The following LRRC7 variants were observed in gnomAD, a reference collection of about 807,000 sequenced individuals.
LRRC7 encodes leucine rich repeat containing 7.
In LRRC7, 23 loss-of-function variants were observed where a neutral mutation model predicts 175.7. The observed-to-expected ratio is 0.13, with a 90% CI of 0.09 to 0.19. The LOEUF is 0.19. LRRC7 is among the 10% of genes least tolerant of loss of function. The pLI is 1.00. For missense variants in LRRC7, 1,354 were observed against 1,904.7 expected, an observed-to-expected ratio of 0.71 and a Z score of 5.38; for synonymous variants, 685 against 680.9, an observed-to-expected ratio of 1.01 and a Z score of -0.09.
chr1:69,855,327 C>A (rs1163635403), intron 7 of LRRC7, among the ~76,000 whole-genome samples: 1 of 152,148 alleles, frequency 6.6e-6, no homozygotes, highest in Non-Finnish European at 1.5e-5. Context: ...TATGTTGTGT[C>A]TTTGTTCTCA....
chr1:70,019,865 A>T (rs1657300914), intron 15 of LRRC7, among the ~76,000 whole-genome samples: 1 of 152,026 alleles, frequency 6.6e-6, no homozygotes, highest in South Asian at 2.1e-4. Flanking sequence ...ATGCAGCTTT[A>T]CTTATATTTT....
intron 8 of LRRC7, among the ~76,000 whole-genome samples, chr1:69,932,432 G>A (rs923665877): frequency 6.6e-6 from 1 of 152,134 alleles, no homozygotes; most frequent in Admixed American, 6.6e-5. Context: ...GGGCTTGTGT[G>A]AGAATTAAAT....
At chr1:69,971,486 G>A (rs1652232268) in intron 8 of LRRC7, among the ~76,000 whole-genome samples, 1 of 152,114 alleles carries the variant, frequency 6.6e-6, no homozygotes, top group Admixed American at 6.5e-5. Context: ...CAGCGACCAA[G>A]CGGAGAATCA....
chr1:69,647,024 AT>A (rs912673031), intron 1 of LRRC7, among the ~76,000 whole-genome samples: 47 of 152,252 alleles, frequency 3.1e-4, no homozygotes, highest in African/African-American at 1.1e-3. Context: ...AGAAAAAAAA[AT>A]GTCATAGTAG....
chr1:69,646,008 C>T (rs930182719), intron 1 of LRRC7, among the ~76,000 whole-genome samples: 4 of 151,992 alleles, frequency 2.6e-5, no homozygotes, highest in African/African-American at 9.7e-5. Flanking sequence ...TTATAGATGA[C>T]TTATCACTGA....
Position 69,980,435 on chromosome 1 carries a change from A to G in LRRC7, c.768A>G (p.Ala256=). 1.2e-6 allele frequency: 2 copies of G among 1,611,520 alleles called. No homozygotes were observed. The highest frequency in any genetic ancestry group is 1.7e-6 in the Non-Finnish European group (2 of 1,178,386). ...NLRELWMDNN[A]LQVLPGSIGK... is the part of the protein sequence containing the mutation. ...GGGAGTTATGGATGGATAATAATGCATTACAAGTGTTACCTGGGGTATGTA... is the reference window on the plus strand; with the variant it reads ...GGGAGTTATGGATGGATAATAATGCGTTACAAGTGTTACCTGGGGTATGTA... The change falls in exon 9 of 27, where the codon GCA becomes GCG. Residue 256 remains alanine (A), a synonymous_variant. Coordinates refer to ENST00000651989, the MANE Select transcript of LRRC7 (RefSeq NM_001370785.2).
chr1:69,638,073 T>C (rs1448498181), intron 1 of LRRC7, among the ~76,000 whole-genome samples: 3 of 151,870 alleles, frequency 2.0e-5, no homozygotes, highest in Admixed American at 1.3e-4. Context: ...GTTTACAGAA[T>C]TATCTTTCAG....
chr1:69,986,933 A>G (rs1414504506), intron 10 of LRRC7, among the ~76,000 whole-genome samples: 1 of 152,192 alleles, frequency 6.6e-6, no homozygotes, highest in Non-Finnish European at 1.5e-5. Flanking sequence ...AAAAGCACTC[A>G]TACATTTTTG....
intron 4 of LRRC7, among the ~76,000 whole-genome samples, chr1:69,808,465 C>T (rs900767218): frequency 2.0e-4 from 30 of 151,990 alleles, no homozygotes; most frequent in African/African-American, 5.8e-4. Flanking sequence ...ATACATTCTT[C>T]TCAGCACCAC....
chr1:70,072,475 T>C (rs534707002), intron 23 of LRRC7, among the ~76,000 whole-genome samples: 11 of 152,348 alleles, frequency 7.2e-5, no homozygotes, highest in Non-Finnish European at 1.6e-4. Context: ...TTGTCATTTA[T>C]GTTTGTTTAA....
At chr1:69,598,191 A>G (rs939038859) in intron 1 of LRRC7, among the ~76,000 whole-genome samples, 5 of 152,152 alleles carry the variant, frequency 3.3e-5, no homozygotes, top group Non-Finnish European at 5.9e-5. Flanking sequence ...CTCTGCTGCT[A>G]TAGGGTCAGG....
rs1386934796 is a variant in LRRC7 at position 69,781,782 on chromosome 1, AAAGAAAGGAAGGAAGGAAGGAAGG to A, written c.304-10257_304-10234del. Among the ~76,000 whole-genome samples, 10 of 55,424 alleles carry A rather than the reference AAAGAAAGGAAGGAAGGAAGGAAGG, an allele frequency of 1.8e-4. 1 individual carries two copies. The highest frequency in any genetic ancestry group is 6.3e-4 in the South Asian group (1 of 1,594). 36.4% of individuals were successfully genotyped at this position (55,424 alleles called of 152,430 possible). ...GAGAGAGAGAAAGAAAGAAAGAAAG[AAAGAAAGGAAGGAAGGAAGGAAGG>A]AAGGAAGGAAGGAAGGAAGGAAGGA... is the stretch of plus-strand genomic sequence containing the variant. On this transcript the variant is annotated intron_variant, in intron 3 of 26. Coordinates refer to ENST00000651989, the MANE Select transcript of LRRC7 (RefSeq NM_001370785.2).
intron 8 of LRRC7, among the ~76,000 whole-genome samples, chr1:69,967,990 G>A (rs1255492281): frequency 3.3e-5 from 5 of 152,114 alleles, no homozygotes; most frequent in Non-Finnish European, 7.4e-5. Context: ...CAGAAGGTTA[G>A]TTATTAAGCT....
chr1:69,690,284 C>G (rs1290473590), intron 2 of LRRC7, among the ~76,000 whole-genome samples: 1 of 152,136 alleles, frequency 6.6e-6, no homozygotes, highest in Non-Finnish European at 1.5e-5. Flanking sequence ...ATGCAAATGT[C>G]TCTGAGGAGT....
intron 2 of LRRC7, among the ~76,000 whole-genome samples, chr1:69,736,027 G>T (rs189485583): frequency 1.3e-5 from 2 of 152,140 alleles, no homozygotes; most frequent in African/African-American, 4.8e-5. Context: ...CAAAATTGTG[G>T]TGCTGAGAAA....
chr1:69,758,527 A>T (rs774533165), intron 2 of LRRC7, among the ~76,000 whole-genome samples: 41 of 151,974 alleles, frequency 2.7e-4, no homozygotes, highest in Non-Finnish European at 5.6e-4. Flanking sequence ...ACTTATGTTC[A>T]TGGGGCACAT....
intron 1 of LRRC7, among the ~76,000 whole-genome samples, chr1:69,651,721 C>T (rs1024268): frequency 0.37 from 55,890 of 151,972 alleles, 10,839 homozygotes; most frequent in East Asian, 0.48. Flanking sequence ...CCTGCATCAG[C>T]CCATTCCCAA....
chr1:70,126,310 T>G lies in LRRC7; in HGVS notation c.*4423T>G, dbSNP rs1394477568. On this transcript the variant is annotated 3_prime_UTR_variant, in exon 27 of 27. Coordinates refer to ENST00000651989, the MANE Select transcript of LRRC7 (RefSeq NM_001370785.2). ...CTGGGTCAATAAAAAGTTATGCAAA[T>G]AATGAAATCCAATAGGTTAAGAAGA... 6.6e-6 allele frequency among the ~76,000 whole-genome samples: 1 copy of G among 151,924 alleles called. No homozygotes were observed. Among genetic ancestry groups the G allele is most frequent in the African/African-American group, 2.4e-5 (1 of 41,368 alleles).
At chr1:70,095,680 T>C (rs995646655) in intron 25 of LRRC7, among the ~76,000 whole-genome samples, 6 of 152,178 alleles carry the variant, frequency 3.9e-5, no homozygotes, top group Admixed American at 3.9e-4. Context: ...CAAATAAGTA[T>C]CATTAATTCT....
Sources: gnomAD v4.1 joint callset for allele counts (sites outside exome capture counted in the v4.1 genomes callset) on GRCh38, gnomAD v4.1.1 for gene constraint, MANE v1.5 for transcripts, NCBI Gene and HGNC (gene_info 2026-07-23, HGNC 2026-07-21) for gene names.